The following LRMDA variants were observed in gnomAD, a reference collection of about 807,000 sequenced individuals.
LRMDA encodes leucine-rich melanocyte differentiation-associated protein.
In LRMDA, 18 loss-of-function variants were observed where a neutral mutation model predicts 29.8. The ratio of observed to expected loss-of-function variants is 0.60; its 90% CI spans 0.42 to 0.90. LRMDA has a LOEUF of 0.90. Ranked by LOEUF, LRMDA falls within the 40% of genes least tolerant of loss-of-function variation. The probability of loss-of-function intolerance (pLI) is 0.00; values close to 1 mark genes in which losing one functional copy is unlikely to be tolerated. For missense variants in LRMDA, 273 were observed against 273.9 expected (o/e 1.00, Z 0.02); for synonymous variants, 125 against 109.4 (o/e 1.14, Z -0.89).
At chr10:75,493,081 C>G (rs1219081681) in intron 2 of LRMDA, among the ~76,000 whole-genome samples, 1 of 151,996 alleles carries the variant, frequency 6.6e-6, no homozygotes, top group Non-Finnish European at 1.5e-5. Flanking sequence ...TTTAAAAGCT[C>G]TTCAAGCACA....
intron 2 of LRMDA, among the ~76,000 whole-genome samples, chr10:75,668,054 C>T (rs1841844986): frequency 6.6e-6 from 1 of 152,244 alleles, no homozygotes; most frequent in African/African-American, 2.4e-5. Flanking sequence ...GGGGCCTCTT[C>T]CATGGCCCTA....
At chr10:75,890,024 A>G (rs796161330) in intron 2 of LRMDA, among the ~76,000 whole-genome samples, 1 of 152,136 alleles carries the variant, frequency 6.6e-6, no homozygotes, top group South Asian at 2.1e-4. Flanking sequence ...TGTTCCATGT[A>G]AGCAGAAACA....
intron 6 of LRMDA, among the ~76,000 whole-genome samples, chr10:76,515,061 A>G (rs911618329): frequency 1.3e-5 from 2 of 152,166 alleles, no homozygotes; most frequent in African/African-American, 4.8e-5. Flanking sequence ...TGAGCTGTCT[A>G]TTACCTTGCA....
At chr10:75,990,129 T>A (rs1309210552) in intron 2 of LRMDA, among the ~76,000 whole-genome samples, 2 of 152,238 alleles carry the variant, frequency 1.3e-5, no homozygotes, top group Admixed American at 1.3e-4. Flanking sequence ...AGAAAGGCTC[T>A]GTAGGGCTAG....
chr10:75,813,113 A>G (rs997039001), intron 2 of LRMDA, among the ~76,000 whole-genome samples: 97 of 152,164 alleles, frequency 6.4e-4, no homozygotes, highest in African/African-American at 2.2e-3. Context: ...ACTCACGGGC[A>G]ATGTGGATCA....
In LRMDA at chr10:75,893,932, C is replaced by CAA. The variant is rs59406150; in HGVS notation, c.132-142064_132-142063dup. On this transcript the variant is annotated intron_variant, in intron 2 of 6. Transcript: ENST00000611255. ...TGGGTGACAGACTGACTCCGTCTCA[C>CAA]AAAAAAAAAAAAACAAAAAAAAAAG... Among the ~76,000 whole-genome samples, 17 of 128,600 alleles carry CAA rather than the reference C, an allele frequency of 1.3e-4. No homozygotes were observed. In the South Asian group the frequency reaches 3.4e-3, roughly 26 times the overall value. 84.4% of individuals were successfully genotyped at this position (128,600 alleles called of 152,430 possible).
chr10:76,136,399 A>G (rs1850095355), intron 5 of LRMDA, among the ~76,000 whole-genome samples: 2 of 152,156 alleles, frequency 1.3e-5, no homozygotes, highest in South Asian at 4.1e-4. Flanking sequence ...ACTTGGGGAA[A>G]AAATTCCCCA....
At chr10:76,237,529 C>T (rs1184241377) in intron 5 of LRMDA, among the ~76,000 whole-genome samples, 1 of 152,102 alleles carries the variant, frequency 6.6e-6, no homozygotes, top group African/African-American at 2.4e-5. Context: ...TGATCTTTTC[C>T]CTTTCTCCTG....
At chr10:76,153,540 C>A (rs1433095195) in intron 5 of LRMDA, among the ~76,000 whole-genome samples, 1 of 152,100 alleles carries the variant, frequency 6.6e-6, no homozygotes, top group African/African-American at 2.4e-5. Flanking sequence ...ATGTGGATAT[C>A]CAGTTCTCCC....
At chr10:75,554,687 C>T (rs904704549) in intron 2 of LRMDA, among the ~76,000 whole-genome samples, 19 of 152,144 alleles carry the variant, frequency 1.2e-4, no homozygotes, top group Non-Finnish European at 2.4e-4. Flanking sequence ...CAATGTGGAA[C>T]GGATGTGAGC....
intron 2 of LRMDA, among the ~76,000 whole-genome samples, chr10:75,597,801 T>C (rs1416545282): frequency 1.3e-5 from 2 of 152,188 alleles, no homozygotes; most frequent in Non-Finnish European, 2.9e-5. Context: ...AGGGAAGCTT[T>C]TTCTGAATTA....
At chr10:76,137,899 G>A (rs1036690608) in intron 5 of LRMDA, among the ~76,000 whole-genome samples, 2 of 152,134 alleles carry the variant, frequency 1.3e-5, no homozygotes, top group African/African-American at 4.8e-5. Context: ...CATCCCAGGG[G>A]TTGGCTGGGG....
At chr10:75,651,997 G>A (rs1316683483) in intron 2 of LRMDA, among the ~76,000 whole-genome samples, 1 of 152,062 alleles carries the variant, frequency 6.6e-6, no homozygotes, top group Non-Finnish European at 1.5e-5. Context: ...TAAAATCTTG[G>A]CTTGTTTTCC....
chr10:75,436,471 A>T (rs900021460), intron 1 of LRMDA, among the ~76,000 whole-genome samples: 22 of 143,774 alleles, frequency 1.5e-4, no homozygotes, highest in African/African-American at 4.8e-4. Flanking sequence ...AAGCTGCTGA[A>T]TTTTTTTTTT....
intron 2 of LRMDA, among the ~76,000 whole-genome samples, chr10:75,542,564 A>G (rs1840030973): frequency 6.6e-6 from 1 of 152,228 alleles, no homozygotes; most frequent in South Asian, 2.1e-4. Context: ...AATAGAGAAA[A>G]AGAAGTTTCT....
intron 6 of LRMDA, among the ~76,000 whole-genome samples, chr10:76,359,357 G>A (rs1841281554): frequency 6.6e-6 from 1 of 152,184 alleles, no homozygotes; most frequent in Non-Finnish European, 1.5e-5. Context: ...AGGTTGCACT[G>A]TGAGTGAGAA....
chr10:75,593,836 T>C (rs1007703332), intron 2 of LRMDA, among the ~76,000 whole-genome samples: 9 of 152,156 alleles, frequency 5.9e-5, no homozygotes, highest in Admixed American at 2.0e-4. Flanking sequence ...GCCTGGACTC[T>C]CGGTGGCCGT....
intron 6 of LRMDA, among the ~76,000 whole-genome samples, chr10:76,351,297 G>A (rs753238685): frequency 2.4e-4 from 36 of 152,200 alleles, no homozygotes; most frequent in Middle Eastern, 3.4e-3. Flanking sequence ...GAGAATATTC[G>A]AATTCCCCTA....
At chr10:75,660,267 T>C (rs538455888) in intron 2 of LRMDA, among the ~76,000 whole-genome samples, 3 of 152,394 alleles carry the variant, frequency 2.0e-5, no homozygotes, top group South Asian at 4.1e-4. Context: ...GTTCCCACTT[T>C]ACGTTAATGT....
Sources: allele counts gnomAD v4.1 joint callset (sites outside exome capture counted in the v4.1 genomes callset), GRCh38; gene constraint gnomAD v4.1.1; transcripts MANE v1.5; gene names NCBI Gene and HGNC (gene_info 2026-07-23, HGNC 2026-07-21).